Variants in ALS2 observed in about 807,000 individuals in gnomAD.
The protein encoded by ALS2 is alsin.
ALS2 carries 117 observed loss-of-function variants against 203.4 expected under a neutral mutation model. The ratio of observed to expected loss-of-function variants is 0.58; its 90% CI spans 0.50 to 0.67. The LOEUF is 0.67. ALS2 is among the 30% of genes least tolerant of loss of function. The pLI is 0.00. For missense variants in ALS2, 1,715 were observed against 1,989.4 expected (o/e 0.86, Z 2.62); for synonymous variants, 718 against 725.9 (o/e 0.99, Z 0.17).
At chr2:201,711,580 A>C (rs1425820826) in intron 25 of ALS2, among the ~76,000 whole-genome samples, 1 of 152,198 alleles carries the variant, frequency 6.6e-6, no homozygotes, top group Admixed American at 6.5e-5. Flanking sequence ...GAAGAAATGA[A>C]AACAAGGTTA....
intron 1 of ALS2, among the ~76,000 whole-genome samples, chr2:201,773,978 GGTTT>G (rs1694540980): frequency 6.6e-6 from 1 of 152,186 alleles, no homozygotes; most frequent in South Asian, 2.1e-4. Flanking sequence ...CAATCTCAGT[GGTTT>G]GTTTGGGCAC....
intron 1 of ALS2, among the ~76,000 whole-genome samples, chr2:201,770,849 C>T (rs577286026): frequency 8.5e-5 from 13 of 152,106 alleles, no homozygotes; most frequent in African/African-American, 2.9e-4. Context: ...CTAGAGCGTC[C>T]AGAAAAAAGC....
chr2:201,747,457 G>A (rs1412157844), intron 8 of ALS2, among the ~76,000 whole-genome samples: 2 of 131,712 alleles, frequency 1.5e-5, no homozygotes, highest in Admixed American at 8.8e-5. Context: ...TCCAGCACTC[G>A]GTCGCTTTTT....
intron 9 of ALS2, 52 bp from the exon 10 acceptor site, chr2:201,744,481 A>C: frequency 6.5e-7 from 1 of 1,544,898 alleles, no homozygotes; most frequent in Non-Finnish European, 8.9e-7. Context: ...TTATGTTACT[A>C]ATTTGGTATA....
At position 201,701,613 on chromosome 2, in the gene ALS2, T is replaced by C. The variant is rs1176663978; in HGVS notation, c.*238A>G. ...TAAATGGTATTTTTGGAACTTATCA[T>C]AGGCCAAGAACTGGTCTAATCTGAT... On this transcript the variant is annotated 3_prime_UTR_variant, in exon 34 of 34. Transcript: ENST00000264276. The C allele has an allele frequency of 1.5e-5, 7 of 466,106 alleles. No individual in the cohort carries two copies. Among genetic ancestry groups the C allele is most frequent in the Non-Finnish European group, 2.3e-5 (6 of 259,996 alleles). 28.9% of individuals were successfully genotyped at this position (466,106 alleles called of 1,614,324 possible).
chr2:201,739,959 T>G (rs1014266202), intron 11 of ALS2, among the ~76,000 whole-genome samples: 5 of 152,142 alleles, frequency 3.3e-5, no homozygotes, highest in Non-Finnish European at 7.3e-5. Flanking sequence ...CTAGTAAAAT[T>G]AGCCCACAGT....
At position 201,761,482 on chromosome 2, in the gene ALS2, A is replaced by G; in HGVS notation, c.512T>C (p.Ile171Thr). ...CTGACAACCGGTACCCCATGCCCAA[A>G]TCTCTCTGCTTATTGACAATGCCAG... is the stretch of plus-strand genomic sequence containing the variant. ...HTLALSISREIWAWGTGCQLG... is the reference protein window; with the variant it reads ...HTLALSISRETWAWGTGCQLG... Residue 171 changes from isoleucine (I) to threonine (T), a missense_variant, in exon 4 of 34, where the codon ATT becomes ACT. By Grantham distance (89) the Ile-to-Thr change is moderately conservative. This residue lies in a region of ALS2 where 476 missense variants were observed against 539.3 expected (regional missense o/e 0.88). Transcript: ENST00000264276. 1 of 1,609,474 alleles carries G rather than the reference A, an allele frequency of 6.2e-7. No homozygotes were observed. Among genetic ancestry groups the G allele is most frequent in the South Asian group, 1.1e-5 (1 of 91,034 alleles).
At chr2:201,756,955 A>G (rs939026894) in intron 5 of ALS2, among the ~76,000 whole-genome samples, 2 of 152,180 alleles carry the variant, frequency 1.3e-5, no homozygotes, top group African/African-American at 4.8e-5. Context: ...AGAAGAACCA[A>G]CTGCATAATA....
intron 5 of ALS2, 93 bp downstream of exon 5, chr2:201,757,309 A>G: frequency 9.5e-7 from 1 of 1,057,980 alleles, no homozygotes; most frequent in Non-Finnish European, 1.5e-6. Context: ...CAGCTTCATA[A>G]TTAGGACAGC....
In ALS2 at chr2:201,741,803, C is replaced by T. The variant is rs753349655; in HGVS notation, c.2222G>A (p.Arg741Gln). 8.1e-6 allele frequency: 13 copies of T among 1,614,000 alleles called. No homozygotes were observed. Among genetic ancestry groups the T allele is most frequent in the South Asian group, 4.4e-5 (4 of 91,070 alleles). ...TVQLLQEVAS[R>Q]FSKLCYLIGQ... ...AATGAGGTAACACAGCTTGCTGAAT[C>T]GGCTAGCCACCTCCTGCAACAGCTG... Residue 741 changes from arginine to glutamine, a missense_variant, in exon 11 of 34, where the codon CGA becomes CAA. By Grantham distance (43) the Arg-to-Gln change is conservative (BLOSUM62 1). Around this residue, in one of 3 missense-constraint regions of ALS2, gnomAD observed 1,227 missense variants for 1,413.5 expected, o/e 0.87. Transcript: ENST00000264276.
intron 1 of ALS2, among the ~76,000 whole-genome samples, chr2:201,773,130 GATTAC>G (rs1694486771): frequency 1.3e-5 from 2 of 152,102 alleles, no homozygotes; most frequent in Non-Finnish European, 2.9e-5. Context: ...AAAGTGCTGG[GATTAC>G]AGGCGTGAGC....
chr2:201,711,683 C>T (rs534361104), intron 25 of ALS2, among the ~76,000 whole-genome samples: 2 of 152,162 alleles, frequency 1.3e-5, no homozygotes, highest in Non-Finnish European at 1.5e-5. Context: ...AGAAAACACA[C>T]GCTAGTAATC....
At position 201,713,141 on chromosome 2, in the gene ALS2, T is replaced by TC. The variant is rs1266123624; in HGVS notation, c.4005-2034_4005-2033insG. On this transcript the variant is annotated intron_variant, in intron 25 of 33. Coordinates refer to ENST00000264276, the MANE Select transcript of ALS2 (RefSeq NM_020919.4). ...CTTTCTCCTTTTCTTTTCTTTTTTT[T>TC]TTTTTTTTTTTTGAGATGGAGTTTT... Among the ~76,000 whole-genome samples the TC allele has an allele frequency of 1.3e-4, 19 of 148,290 alleles. 1 individual carries two copies. The East Asian group carries it at 3.7e-3, about 29-fold the overall frequency.
At position 201,754,522 on chromosome 2, in the gene ALS2, G is replaced by T; in HGVS notation, c.1621C>A (p.His541Asn). The change falls in exon 6 of 34, where the codon CAC (histidine) becomes AAC (asparagine). Residue 541 changes from histidine (H) to asparagine (N), a missense_variant. Around this residue, in one of 3 missense-constraint regions of ALS2, gnomAD observed 1,227 missense variants for 1,413.5 expected, o/e 0.87. Coordinates refer to ENST00000264276, the MANE Select transcript of ALS2 (RefSeq NM_020919.4). ...WGKGKEGQLG[H>N]GDVLPRLQPL... ...GCTTACCTAGGCAGAACATCGCCGTGCCCCAGCTGCCCTTCCTTCCCTTTC... is the reference window on the plus strand; with the variant it reads ...GCTTACCTAGGCAGAACATCGCCGTTCCCCAGCTGCCCTTCCTTCCCTTTC... The T allele has an allele frequency of 6.2e-7, 1 of 1,614,090 alleles. No homozygotes were observed. Among genetic ancestry groups the T allele is most frequent in the Non-Finnish European group, 8.5e-7 (1 of 1,179,994 alleles).
At chr2:201,729,590 T>A (rs139497126) in intron 13 of ALS2, among the ~76,000 whole-genome samples, 1 of 152,080 alleles carries the variant, frequency 6.6e-6, no homozygotes, top group African/African-American at 2.4e-5. Context: ...CTTACAAAAA[T>A]TTTTTAATGG....
Position 201,726,744 on chromosome 2 carries a change from G to C in ALS2, c.3102C>G (p.Ala1034=), listed in dbSNP as rs1171215073. The C allele has an allele frequency of 1.2e-6, 2 of 1,614,150 alleles. No individual in the cohort carries two copies. The highest frequency in any genetic ancestry group is 2.2e-5 in the South Asian group (2 of 91,080). The change falls in exon 18 of 34, where the codon GCC becomes GCG. Residue 1034 remains alanine, a synonymous_variant. Transcript: ENST00000264276. ...QRQEPPISRS[A]KYTFYKDPRL... is the part of the protein sequence containing the mutation. ...GAGGATCCTTGTAGAAAGTATATTT[G>C]GCACTGCGTGAAATGGGTGGTTCCT...
Position 201,761,460 on chromosome 2 carries a change from A to C in ALS2, c.534T>G (p.Cys178Trp). The C allele has an allele frequency of 1.2e-6, 2 of 1,607,556 alleles. No individual in the cohort carries two copies. Among genetic ancestry groups the C allele is most frequent in the Non-Finnish European group, 1.7e-6 (2 of 1,174,690 alleles). Residue 178 changes from cysteine (C) to tryptophan (W), a missense_variant, in exon 4 of 34, where the codon TGT becomes TGG. Around this residue, in one of 3 missense-constraint regions of ALS2, gnomAD observed 476 missense variants for 539.3 expected, o/e 0.88. Transcript: ENST00000264276. ...AGGCAGTGGTAATGAGACCCAACTG[A>C]CAACCGGTACCCCATGCCCAAATCT... The part of the protein sequence containing the change: ...SREIWAWGTG[C>W]QLGLITTAFP...
chr2:201,741,601 CTGAT>C, intron 11 of ALS2, 69 bp downstream of exon 11: 1 of 1,457,748 alleles, frequency 6.9e-7, no homozygotes. Flanking sequence ...CTAGTCTCTT[CTGAT>C]TAAGGAGCTG....
chr2:201,725,327 C>T lies in ALS2; in HGVS notation c.3347+29G>A, dbSNP rs760646743. The T allele has an allele frequency of 8.9e-6, 14 of 1,573,388 alleles. No homozygotes were observed. The African/African-American group carries it at 1.4e-4, about 15-fold the overall frequency. ...TTTACATGGTTATATGAAAAACAAA[C>T]ACCAGTCCAACAGCCTTTCCAATGT... On this transcript the variant is annotated intron_variant, in intron 20 of 33. Transcript: ENST00000264276.
Sources: allele counts gnomAD v4.1 joint callset (sites outside exome capture counted in the v4.1 genomes callset), GRCh38; gene constraint gnomAD v4.1.1; regional missense constraint gnomAD v4.1.1; transcripts MANE v1.5; gene names NCBI Gene and HGNC (gene_info 2026-07-23, HGNC 2026-07-21).